Variants in KIF16B observed in about 807,000 individuals in gnomAD.
KIF16B encodes kinesin family member 16B, also known as kinesin-like protein KIF16B.
KIF16B carries 98 observed loss-of-function variants against 156.3 expected under a neutral mutation model. That is an observed-to-expected ratio of 0.63 (90% CI 0.53 to 0.74). The LOEUF is 0.74. Among genes scored for constraint, KIF16B ranks in the 30% least tolerant of loss-of-function variants. The pLI is 0.00. For synonymous variants in KIF16B, 564 were observed against 583.7 expected (o/e 0.97, Z 0.49); for missense variants, 1,421 against 1,606.5 (o/e 0.88, Z 1.97).
intron 1 of KIF16B, among the ~76,000 whole-genome samples, chr20:16,532,683 C>A (rs2069803493): frequency 6.6e-6 from 1 of 151,758 alleles, no homozygotes. Context: ...CTCAATCAAT[C>A]ACTAACCTAA....
intron 15 of KIF16B, among the ~76,000 whole-genome samples, chr20:16,423,583 T>C (rs776338369): frequency 6.6e-6 from 1 of 152,092 alleles, no homozygotes; most frequent in Non-Finnish European, 1.5e-5. Flanking sequence ...CTTGTAAAAA[T>C]CCTGTAACAA....
At chr20:16,440,782 T>G (rs2066778558) in intron 12 of KIF16B, among the ~76,000 whole-genome samples, 1 of 152,188 alleles carries the variant, frequency 6.6e-6, no homozygotes, top group Non-Finnish European at 1.5e-5. Context: ...CAGTTCAATT[T>G]CCACTACACT....
intron 24 of KIF16B, among the ~76,000 whole-genome samples, chr20:16,315,145 T>C (rs2063678853): frequency 1.3e-5 from 2 of 152,120 alleles, no homozygotes; most frequent in Non-Finnish European, 2.9e-5. Context: ...GGAGCAAGCA[T>C]TCACATCTCC....
At chr20:16,540,275 A>T (rs2070143620) in intron 1 of KIF16B, among the ~76,000 whole-genome samples, 1 of 152,212 alleles carries the variant, frequency 6.6e-6, no homozygotes, top group Non-Finnish European at 1.5e-5. Flanking sequence ...GATAAATAGC[A>T]AGCCATTCAC....
chr20:16,344,933 C>A (rs1052604490), intron 23 of KIF16B, among the ~76,000 whole-genome samples: 3 of 152,178 alleles, frequency 2.0e-5, no homozygotes, highest in Admixed American at 2.0e-4. Flanking sequence ...TTCATCCTCA[C>A]TTAATTTTCC....
intron 3 of KIF16B, among the ~76,000 whole-genome samples, chr20:16,516,913 T>A (rs1200536987): frequency 6.6e-6 from 1 of 152,078 alleles, no homozygotes; most frequent in African/African-American, 2.4e-5. Flanking sequence ...ATTTGAGGAG[T>A]AACCTAGAGC....
rs771368850 is a variant in KIF16B at position 16,505,784 on chromosome 20, G to A, written c.938C>T (p.Ser313Phe). Reference protein sequence around the residue: ...KKQVFVPYRDSVLTWLLKDSL... With the variant: ...KKQVFVPYRDFVLTWLLKDSL... ...ATCTTTTAACAACCAAGTCAACACAGAATCCCTGTAAGGCACGAAAACTTG... is the reference window on the plus strand; with the variant it reads ...ATCTTTTAACAACCAAGTCAACACAAAATCCCTGTAAGGCACGAAAACTTG... The change falls in exon 9 of 26, where the codon TCT (serine) becomes TTT (phenylalanine). Residue 313 changes from serine to phenylalanine, a missense_variant. Physicochemically the swap from Ser to Phe is radical, Grantham distance 155. Transcript: ENST00000354981. 6.2e-7 allele frequency: 1 copy of A among 1,613,630 alleles called. No homozygotes were observed. The highest frequency in any genetic ancestry group is 1.1e-5 in the South Asian group (1 of 91,064).
chr20:16,273,918 GC>G (rs2063021383), intron 25 of KIF16B, among the ~76,000 whole-genome samples: 1 of 152,134 alleles, frequency 6.6e-6, no homozygotes, highest in South Asian at 2.1e-4. Context: ...ATTCTGGGCA[GC>G]ACTGTCTCAG....
intron 12 of KIF16B, among the ~76,000 whole-genome samples, chr20:16,469,303 A>G (rs187818563): frequency 1.3e-5 from 2 of 150,716 alleles, no homozygotes; most frequent in Non-Finnish European, 3.0e-5. Context: ...AGACCACGAT[A>G]GAATTAAACT....
Position 16,506,116 on chromosome 20 carries a change from A to T in KIF16B, c.774T>A (p.Arg258=), listed in dbSNP as rs751731058. 1 of 1,614,146 alleles carries T rather than the reference A, an allele frequency of 6.2e-7. No homozygotes were observed. The highest frequency in any genetic ancestry group is 8.5e-7 in the Non-Finnish European group (1 of 1,179,996). The change falls in exon 8 of 26, where the codon CGT becomes CGA. Residue 258 remains arginine (R), a synonymous_variant. Coordinates refer to ENST00000354981, the MANE Select transcript of KIF16B (RefSeq NM_024704.5). ...CCCCGGTGGCTCCGGTGGCATCTGC[A>T]CGCTCACTTCCGGCAAGATCAACCA... ...IHLVDLAGSE[R]ADATGATGVR...
intron 25 of KIF16B, among the ~76,000 whole-genome samples, chr20:16,308,181 A>C (rs1214308194): frequency 1.3e-5 from 2 of 152,224 alleles, no homozygotes; most frequent in Non-Finnish European, 2.9e-5. Context: ...TGAAGTCAAC[A>C]ATCACAATAA....
At chr20:16,368,187 T>G in intron 22 of KIF16B, 4 of 1,078,916 alleles carry the variant, frequency 3.7e-6, no homozygotes, top group Non-Finnish European at 4.5e-6. Context: ...GGTCCGGGAA[T>G]TGCACAAGGC....
intron 12 of KIF16B, among the ~76,000 whole-genome samples, chr20:16,487,142 A>T (rs2068141670): frequency 1.3e-5 from 2 of 152,030 alleles, no homozygotes; most frequent in African/African-American, 4.8e-5. Context: ...ATTCCCAGCT[A>T]CTTGGGAGGC....
chr20:16,364,147 GCA>G (rs2064608075), intron 22 of KIF16B, among the ~76,000 whole-genome samples: 1 of 152,202 alleles, frequency 6.6e-6, no homozygotes, highest in African/African-American at 2.4e-5. Flanking sequence ...AGGGATGCAT[GCA>G]CATTTTTAAA....
intron 12 of KIF16B, among the ~76,000 whole-genome samples, chr20:16,442,130 A>G (rs1167620287): frequency 2.6e-5 from 4 of 152,112 alleles, no homozygotes; most frequent in African/African-American, 9.7e-5. Context: ...GGTTGGGGAA[A>G]TGTTGGTGAA....
At chr20:16,316,561 T>C (rs2063700382) in intron 24 of KIF16B, among the ~76,000 whole-genome samples, 1 of 151,988 alleles carries the variant, frequency 6.6e-6, no homozygotes, top group African/African-American at 2.4e-5. Context: ...CTCTGAAAAA[T>C]GAGGGCCCTG....
intron 1 of KIF16B, among the ~76,000 whole-genome samples, chr20:16,555,085 GC>G (rs1305316724): frequency 1.3e-5 from 2 of 152,190 alleles, no homozygotes; most frequent in Admixed American, 1.3e-4. Flanking sequence ...GGGCAAAGGT[GC>G]CACTGGCCAC....
chr20:16,374,131 C>G (rs2064886810), intron 20 of KIF16B, 126 bp downstream of exon 20: 2 of 936,758 alleles, frequency 2.1e-6, no homozygotes, highest in Non-Finnish European at 3.0e-6. Flanking sequence ...CAGAGCACAT[C>G]TCAAGCACGT....
At chr20:16,407,442 T>A (rs976367063) in intron 15 of KIF16B, among the ~76,000 whole-genome samples, 1 of 152,106 alleles carries the variant, frequency 6.6e-6, no homozygotes, top group Admixed American at 6.6e-5. Context: ...AGTGCTTAAG[T>A]GTCTAGCACA....
Sources: gnomAD v4.1 joint callset for allele counts (sites outside exome capture counted in the v4.1 genomes callset) on GRCh38, gnomAD v4.1.1 for gene constraint, MANE v1.5 for transcripts, NCBI Gene and HGNC (gene_info 2026-07-23, HGNC 2026-07-21) for gene names.